Variants in GRIP1 observed in about 807,000 individuals in gnomAD.
GRIP1 encodes glutamate receptor interacting protein 1, also known as glutamate receptor-interacting protein 1.
Under a neutral mutation model 129.9 loss-of-function variants are expected in GRIP1, and 45 were observed. That is an observed-to-expected ratio of 0.35 (90% CI 0.27 to 0.44). GRIP1 has a LOEUF of 0.44. Ranked by LOEUF, GRIP1 falls within the 20% of genes least tolerant of loss-of-function variation. The pLI is 1.00. For missense variants in GRIP1, 1,196 were observed against 1,396.8 expected, an observed-to-expected ratio of 0.86 and a Z score of 2.29; for synonymous variants, 530 against 520.8, an observed-to-expected ratio of 1.02 and a Z score of -0.24.
At chr12:66,633,538 G>A (rs966578514) in intron 1 of GRIP1, among the ~76,000 whole-genome samples, 4 of 152,002 alleles carry the variant, frequency 2.6e-5, no homozygotes, top group African/African-American at 9.7e-5. Context: ...TGGAGAGAGA[G>A]GGAAATGGCA....
At chr12:66,795,122 A>G (rs1395895707) in intron 1 of GRIP1, among the ~76,000 whole-genome samples, 1 of 152,232 alleles carries the variant, frequency 6.6e-6, no homozygotes, top group Non-Finnish European at 1.5e-5. Context: ...TACTTGCAGA[A>G]GTTAATTTTT....
At chr12:66,999,268 T>C (rs1171404061) in intron 1 of GRIP1, among the ~76,000 whole-genome samples, 2 of 152,146 alleles carry the variant, frequency 1.3e-5, no homozygotes, top group Admixed American at 1.3e-4. Flanking sequence ...GTGATTAATA[T>C]CTTATTTTAT....
intron 1 of GRIP1, among the ~76,000 whole-genome samples, chr12:66,736,346 ATTTTTTTTTT>A (rs547706592): frequency 2.2e-4 from 15 of 67,020 alleles, no homozygotes; most frequent in South Asian, 6.5e-4. Flanking sequence ...TGCCTGGCTA[ATTTTTTTTTT>A]TTTTTTTTTT....
chr12:66,622,577 T>C (rs764668115), intron 1 of GRIP1, among the ~76,000 whole-genome samples: 6 of 152,068 alleles, frequency 3.9e-5, no homozygotes, highest in Non-Finnish European at 7.4e-5. Context: ...AAAATATATA[T>C]ACAATGTGAG....
intron 1 of GRIP1, among the ~76,000 whole-genome samples, chr12:66,967,745 T>G (rs1257131057): frequency 6.6e-6 from 1 of 152,200 alleles, no homozygotes; most frequent in Non-Finnish European, 1.5e-5. Context: ...TATTTTGGCA[T>G]TTTCCAAATA....
intron 1 of GRIP1, among the ~76,000 whole-genome samples, chr12:66,736,754 T>C (rs1020601768): frequency 9.2e-5 from 14 of 152,016 alleles, no homozygotes; most frequent in African/African-American, 3.4e-4. Flanking sequence ...AAAAGTTATA[T>C]GAAAAATTTA....
At chr12:66,900,374 T>A (rs890293295) in intron 1 of GRIP1, among the ~76,000 whole-genome samples, 3 of 152,132 alleles carry the variant, frequency 2.0e-5, no homozygotes, top group African/African-American at 7.2e-5. Context: ...CCTTCTACTA[T>A]GTTAGGACAG....
chr12:66,641,610 G>A (rs946471673), intron 1 of GRIP1, among the ~76,000 whole-genome samples: 1 of 152,150 alleles, frequency 6.6e-6, no homozygotes, highest in African/African-American at 2.4e-5. Context: ...TTTAGTGCAA[G>A]CACAGTTACA....
chr12:66,902,177 A>G (rs876419), intron 1 of GRIP1, among the ~76,000 whole-genome samples: 40,084 of 151,926 alleles, frequency 0.26, 5,613 homozygotes, highest in East Asian at 0.45. Context: ...CACTTAGCAG[A>G]TATTCAACAA....
intron 1 of GRIP1, among the ~76,000 whole-genome samples, chr12:66,848,649 A>G (rs993103028): frequency 6.6e-6 from 1 of 152,194 alleles, no homozygotes; most frequent in Admixed American, 6.5e-5. Context: ...CAAAACTTTA[A>G]ATAAACAGTA....
chr12:66,580,791 T>A (rs575087435), intron 2 of GRIP1, among the ~76,000 whole-genome samples: 2 of 151,502 alleles, frequency 1.3e-5, no homozygotes, highest in East Asian at 3.9e-4. Flanking sequence ...AGACTTAGAC[T>A]CCCACACATT....
At chr12:66,680,239 T>C (rs922238483), upstream of GRIP1, among the ~76,000 whole-genome samples, 1 of 152,226 alleles carries the variant, frequency 6.6e-6, no homozygotes, top group Non-Finnish European at 1.5e-5. Context: ...TTCAAGCTGG[T>C]TTTTAAAATA....
chr12:66,963,438 T>C (rs962827581), intron 1 of GRIP1, among the ~76,000 whole-genome samples: 1 of 152,100 alleles, frequency 6.6e-6, no homozygotes, highest in Non-Finnish European at 1.5e-5. Flanking sequence ...TCACAACATA[T>C]CTATAATAAA....
At chr12:66,538,200 CT>C (rs60932537) in intron 4 of GRIP1, among the ~76,000 whole-genome samples, 29,114 of 134,282 alleles carry the variant, frequency 0.22, 3,103 homozygotes, top group African/African-American at 0.29. Flanking sequence ...TCTTGCTGTA[CT>C]TTTTTTTTTT....
chr12:66,487,518 C>T (rs746019483), intron 7 of GRIP1, among the ~76,000 whole-genome samples: 3 of 152,096 alleles, frequency 2.0e-5, no homozygotes, highest in Non-Finnish European at 4.4e-5. Flanking sequence ...TATTACCAGC[C>T]ACTACAAAAA....
intron 2 of GRIP1, among the ~76,000 whole-genome samples, chr12:66,572,662 A>G (rs2063002575): frequency 1.3e-5 from 2 of 152,170 alleles, no homozygotes; most frequent in African/African-American, 4.8e-5. Flanking sequence ...TTCAGGAGCT[A>G]TCTGGCTCAA....
At chr12:66,646,057 T>G (rs1271290227) in intron 1 of GRIP1, among the ~76,000 whole-genome samples, 1 of 152,234 alleles carries the variant, frequency 6.6e-6, no homozygotes, top group South Asian at 2.1e-4. Flanking sequence ...GACTCTGCCA[T>G]GGCTTTCTCA....
At chr12:67,036,550 C>G (rs985300456) in intron 1 of GRIP1, among the ~76,000 whole-genome samples, 15 of 152,008 alleles carry the variant, frequency 9.9e-5, no homozygotes, top group Admixed American at 1.3e-4. Flanking sequence ...AGGCTGGCTT[C>G]GAACTCCTGA....
rs149498765 is a variant in GRIP1 at position 66,418,634 on chromosome 12, A to G, written c.1838+2086T>C. On this transcript the variant is annotated intron_variant, in intron 15 of 24. Transcript: ENST00000359742. ...AATCCTATTAAAAAATGGCCAAAAT[A>G]TTTGAATAGTCATTTCTCAAAAGAA... Among the ~76,000 whole-genome samples the G allele has an allele frequency of 4.3e-3, 653 of 152,262 alleles. 7 individuals carry two copies. The highest frequency in any genetic ancestry group is 0.015 in the African/African-American group (618 of 41,550).
Sources: gnomAD v4.1 joint callset for allele counts (sites outside exome capture counted in the v4.1 genomes callset) on GRCh38, gnomAD v4.1.1 for gene constraint, MANE v1.5 for transcripts, NCBI Gene and HGNC (gene_info 2026-07-23, HGNC 2026-07-21) for gene names.